Variants in ANK3 observed in about 807,000 individuals in gnomAD.
ANK3 encodes ankyrin 3.
Under a neutral mutation model 370.9 loss-of-function variants are expected in ANK3, and 57 were observed. The observed-to-expected ratio is 0.15, with a 90% CI of 0.12 to 0.19. The LOEUF is 0.19. Among genes scored for constraint, ANK3 ranks in the 10% least tolerant of loss-of-function variants. The pLI, the probability that ANK3 is intolerant of heterozygous loss-of-function variation, is 1.00. For missense variants in ANK3, 4,439 were observed against 5,302.1 expected (o/e 0.84, Z 5.06); for synonymous variants, 1,929 against 1,946.3 (o/e 0.99, Z 0.23).
chr10:60,216,875 G>A (rs1320136034), intron 8 of ANK3, among the ~76,000 whole-genome samples: 6 of 152,138 alleles, frequency 3.9e-5, no homozygotes, highest in African/African-American at 1.4e-4. Context: ...ATAGAATTCA[G>A]CTGTAAATCC....
At chr10:60,267,032 G>T (rs541135863) in intron 5 of ANK3, among the ~76,000 whole-genome samples, 1 of 152,046 alleles carries the variant, frequency 6.6e-6, no homozygotes, top group South Asian at 2.1e-4. Context: ...ATACAAAAAC[G>T]TTTTAAAAAC....
rs536231480 is a variant in ANK3 at position 60,251,401 on chromosome 10, T to C, written c.798+10458A>G. The stretch of plus-strand genomic sequence containing the variant: ...CCATTTCTTGGCTGTAAAGAGATGT[T>C]CAATCCAGCATGTCTGATGGGTGCA... On this transcript the variant is annotated intron_variant, in intron 7 of 43. Transcript: ENST00000280772. Among the ~76,000 whole-genome samples, 43 of 152,244 alleles carry C rather than the reference T, an allele frequency of 2.8e-4. No homozygotes were observed. In the South Asian group the frequency reaches 8.9e-3, roughly 32 times the overall value.
intron 30 of ANK3, 79 bp downstream of exon 30, chr10:60,086,598 T>C: frequency 7.8e-7 from 1 of 1,285,958 alleles, no homozygotes; most frequent in African/African-American, 1.5e-5. Flanking sequence ...TTCAAAGGTT[T>C]TATATCTTTG....
At chr10:60,670,665 CTGCTGGT>C (rs1462779741) in intron 1 of ANK3, among the ~76,000 whole-genome samples, 2 of 152,172 alleles carry the variant, frequency 1.3e-5, no homozygotes, top group African/African-American at 4.8e-5. Context: ...GTGACACAGG[CTGCTGGT>C]TGCCTACCCC....
chr10:60,572,900 AAG>A (rs890676558), intron 2 of ANK3: 101 of 1,018,964 alleles, frequency 9.9e-5, no homozygotes, highest in Admixed American at 5.9e-4. Context: ...GAGAGAGAGA[AAG>A]AGAGAGAGAG....
chr10:60,443,005 C>T (rs1264992340), intron 2 of ANK3, among the ~76,000 whole-genome samples: 1 of 152,144 alleles, frequency 6.6e-6, no homozygotes, highest in Non-Finnish European at 1.5e-5. Context: ...CAACTTAGAG[C>T]TTCATGATAT....
intron 1 of ANK3, among the ~76,000 whole-genome samples, chr10:60,627,884 A>C (rs752781200): frequency 3.9e-5 from 6 of 152,156 alleles, no homozygotes; most frequent in Non-Finnish European, 7.4e-5. Flanking sequence ...ACGAATAAGG[A>C]AACTGAGCCC....
At chr10:60,716,865 A>C (rs932302175) in intron 1 of ANK3, among the ~76,000 whole-genome samples, 2 of 152,148 alleles carry the variant, frequency 1.3e-5, no homozygotes, top group African/African-American at 4.8e-5. Context: ...TTCCATATTC[A>C]ATCTTCATTT....
At chr10:60,503,513 C>T (rs569710798) in intron 2 of ANK3, among the ~76,000 whole-genome samples, 1 of 152,242 alleles carries the variant, frequency 6.6e-6, no homozygotes, top group South Asian at 2.1e-4. Context: ...TCTAAGGTCA[C>T]ATGAGCAAGA....
intron 2 of ANK3, among the ~76,000 whole-genome samples, chr10:60,536,023 T>C (rs1036424975): frequency 2.2e-4 from 34 of 152,104 alleles, no homozygotes; most frequent in Admixed American, 2.0e-4. Context: ...TCTTTGAGGA[T>C]AGCCATTGCA....
intron 23 of ANK3, among the ~76,000 whole-genome samples, chr10:60,165,565 T>C (rs2095603741): frequency 6.6e-6 from 1 of 152,152 alleles, no homozygotes; most frequent in Admixed American, 6.5e-5. Context: ...TGGGAAGTCA[T>C]TGATTGGATA....
At chr10:60,634,880 C>T (rs974620905) in intron 1 of ANK3, among the ~76,000 whole-genome samples, 3 of 151,838 alleles carry the variant, frequency 2.0e-5, no homozygotes, top group Admixed American at 1.3e-4. Context: ...CTGAAGTCAG[C>T]GAGAGAACGA....
At chr10:60,098,381 A>G (rs926452993) in intron 28 of ANK3, among the ~76,000 whole-genome samples, 5 of 152,204 alleles carry the variant, frequency 3.3e-5, no homozygotes, top group Non-Finnish European at 5.9e-5. Context: ...ATTACTGAAA[A>G]TTAAATATCA....
At chr10:60,705,472 C>T (rs2079601606) in intron 1 of ANK3, among the ~76,000 whole-genome samples, 1 of 152,076 alleles carries the variant, frequency 6.6e-6, no homozygotes, top group South Asian at 2.1e-4. Flanking sequence ...ATAGGAAATT[C>T]AGCATATAGG....
intron 2 of ANK3, among the ~76,000 whole-genome samples, chr10:60,602,130 A>G (rs1246442115): frequency 6.6e-6 from 1 of 152,148 alleles, no homozygotes; most frequent in African/African-American, 2.4e-5. Flanking sequence ...AGTGTTATAT[A>G]TGGATTAACT....
intron 1 of ANK3, among the ~76,000 whole-genome samples, chr10:60,691,051 G>A (rs1413258007): frequency 1.3e-5 from 2 of 152,134 alleles, no homozygotes; most frequent in African/African-American, 2.4e-5. Context: ...CAGGTCAATT[G>A]TGTATGTGTG....
intron 2 of ANK3, among the ~76,000 whole-genome samples, chr10:60,461,507 G>A (rs1011682711): frequency 2.0e-5 from 3 of 152,082 alleles, no homozygotes; most frequent in African/African-American, 4.8e-5. Context: ...GAATAAAGAC[G>A]GCCAGGGTGG....
At chr10:60,439,909 A>G (rs987528917) in intron 2 of ANK3, among the ~76,000 whole-genome samples, 3 of 152,218 alleles carry the variant, frequency 2.0e-5, no homozygotes, top group Non-Finnish European at 2.9e-5. Context: ...AGCCTGTGTC[A>G]AAACCTAAAC....
At chr10:60,043,583 TG>T in intron 42 of ANK3, 1 of 985,382 alleles carries the variant, frequency 1.0e-6, no homozygotes, top group Non-Finnish European at 1.2e-6. Context: ...CAGACGAAGA[TG>T]GAGGAATTCA....
Sources: allele counts gnomAD v4.1 joint callset (sites outside exome capture counted in the v4.1 genomes callset), GRCh38; gene constraint gnomAD v4.1.1; transcripts MANE v1.5; gene names NCBI Gene and HGNC (gene_info 2026-07-23, HGNC 2026-07-21).